Variants in AEN observed in about 807,000 individuals in gnomAD.
The protein encoded by AEN is apoptosis enhancing nuclease.
AEN carries 21 observed loss-of-function variants against 17.7 expected under a neutral mutation model. The observed-to-expected ratio is 1.19, with a 90% CI of 0.84 to 1.71. The LOEUF is 1.71. Among genes scored for constraint, AEN ranks in the 40% most tolerant of loss-of-function variants. AEN has a pLI of 0.00. For missense variants in AEN, 462 were observed against 435.9 expected (o/e 1.06, Z -0.53); for synonymous variants, 190 against 173.0 (o/e 1.10, Z -0.77).
chr15:88,622,901 G>T (rs763257336), intron 1 of AEN, among the ~76,000 whole-genome samples: 27 of 152,176 alleles, frequency 1.8e-4, no homozygotes, highest in Non-Finnish European at 2.9e-4. Context: ...CTTAAGCAAG[G>T]TCAGGGTGTT....
intron 1 of AEN, among the ~76,000 whole-genome samples, chr15:88,625,836 C>T (rs944506988): frequency 2.0e-5 from 3 of 152,214 alleles, no homozygotes; most frequent in Non-Finnish European, 4.4e-5. Context: ...TTGGCTTTTA[C>T]TAATGGGGCA....
At chr15:88,627,476 T>TA (rs2057869824) in intron 2 of AEN, 1 of 151,626 alleles carries the variant, frequency 6.6e-6, no homozygotes, top group Admixed American at 6.6e-5. Flanking sequence ...TTTTTTTTTT[T>TA]ATTCCACACA....
rs752361817 is a variant in AEN, at chr15:88,626,721, C to T, written c.512C>T (p.Ala171Val). Residue 171 changes from alanine to valine, a missense_variant, in exon 2 of 4, where the codon GCT becomes GTT. Transcript: ENST00000332810. Reference sequence around the variant, plus strand: ...ATCACTCGGCAGCACATGCGCAAGGCTGTCCCCTTCCAGGTGGCCCAGAAA... The same window carrying T: ...ATCACTCGGCAGCACATGCGCAAGGTTGTCCCCTTCCAGGTGGCCCAGAAA... ...SGITRQHMRK[A>V]VPFQVAQKEI... 5.0e-6 allele frequency: 8 copies of T among 1,611,208 alleles called. No individual in the cohort carries two copies. In the African/African-American group the frequency reaches 9.3e-5, roughly 19 times the overall value.
chr15:88,614,104 C>T, the AEN span, among the ~76,000 whole-genome samples: 3 of 152,168 alleles, frequency 2.0e-5, no homozygotes, highest in Non-Finnish European at 4.4e-5. Flanking sequence ...TAGACCAAGT[C>T]CCTCCCCACT....
rs1413000462 is a variant in AEN, at chr15:88,626,584, G to T, written c.375G>T (p.Arg125=). Residue 125 remains arginine, a synonymous_variant, in exon 2 of 4, where the codon CGG becomes CGT. Transcript: ENST00000332810. ...CEMVGTGPRG[R]VSELARCSIV... ...TGGTGGGCACGGGACCCCGAGGGCG[G>T]GTAAGCGAGCTGGCCCGCTGTTCCA... The T allele has an allele frequency of 6.2e-7, 1 of 1,614,144 alleles. No homozygotes were observed. The highest frequency in any genetic ancestry group is 1.7e-5 in the Admixed American group (1 of 60,032).
At chr15:88,616,096 T>A in the AEN span, among the ~76,000 whole-genome samples, 1 of 113,168 alleles carries the variant, frequency 8.8e-6, no homozygotes, top group East Asian at 3.2e-4. Flanking sequence ...GAGGCGTTTT[T>A]TGTTTTTTTT....
the AEN span, among the ~76,000 whole-genome samples, chr15:88,615,233 A>C: frequency 1.3e-5 from 2 of 152,196 alleles, no homozygotes; most frequent in East Asian, 3.9e-4. Context: ...GATTAATTTT[A>C]TATGTGAGGG....
In AEN at chr15:88,626,586, T is replaced by TA. The variant is rs758621825; in HGVS notation, c.379dup (p.Ser127LysfsTer18). 3.1e-6 allele frequency: 5 copies of TA among 1,613,988 alleles called. No homozygotes were observed. The African/African-American group carries it at 4.0e-5, about 13-fold the overall frequency. Reference sequence around the variant, plus strand: ...GTGGGCACGGGACCCCGAGGGCGGGTAAGCGAGCTGGCCCGCTGTTCCATT... The same window carrying TA: ...GTGGGCACGGGACCCCGAGGGCGGGTAAAGCGAGCTGGCCCGCTGTTCCATT... On this transcript the variant is annotated frameshift_variant, in exon 2 of 4. Transcript: ENST00000332810. LOFTEE classifies it high-confidence loss of function.
upstream of AEN, among the ~76,000 whole-genome samples, chr15:88,616,382 G>A (rs112256838): frequency 1.8e-4 from 28 of 152,274 alleles, no homozygotes; most frequent in Admixed American, 7.2e-4. Flanking sequence ...GTGAGCCACC[G>A]CACCTGGCCT....
At chr15:88,628,610 G>A (rs2057885080) in intron 2 of AEN, 1 of 152,522 alleles carries the variant, frequency 6.6e-6, no homozygotes, top group Non-Finnish European at 1.5e-5. Context: ...CATAAGAGCT[G>A]CTGCTATGGT....
At chr15:88,611,603 C>G in the AEN span, among the ~76,000 whole-genome samples, 1 of 151,848 alleles carries the variant, frequency 6.6e-6, no homozygotes, top group Admixed American at 6.6e-5. Flanking sequence ...CTCACCAAAA[C>G]AAAACAAAAC....
chr15:88,608,834 T>C, the AEN span, among the ~76,000 whole-genome samples: 1 of 152,380 alleles, frequency 6.6e-6, no homozygotes, highest in South Asian at 2.1e-4. Context: ...CCAGGAAGAC[T>C]TGTTGCAGGT....
At chr15:88,621,497 A>C (rs1416350356) in intron 1 of AEN, 115 bp downstream of exon 1, 1 of 152,178 alleles carries the variant, frequency 6.6e-6, no homozygotes, top group Non-Finnish European at 1.5e-5. Flanking sequence ...GGGACGCCTG[A>C]ACTGGGCTGA....
chr15:88,629,084 G>C (rs1275408962), intron 2 of AEN, 142 bp from the exon 3 acceptor site: 2 of 799,214 alleles, frequency 2.5e-6, no homozygotes, highest in African/African-American at 3.4e-5. Flanking sequence ...ATGGTTGACT[G>C]TGGAGCTCGT....
intron 1 of AEN, among the ~76,000 whole-genome samples, chr15:88,623,105 G>A (rs1596027021): frequency 6.6e-6 from 1 of 152,310 alleles, no homozygotes; most frequent in Middle Eastern, 3.4e-3. Context: ...TTATTAGCAG[G>A]GTGGGCATTG....
chr15:88,623,857 G>A (rs913620119), intron 1 of AEN, among the ~76,000 whole-genome samples: 2 of 152,228 alleles, frequency 1.3e-5, no homozygotes, highest in African/African-American at 4.8e-5. Flanking sequence ...AGAGAGGAGC[G>A]AGGAGCAGTG....
chr15:88,606,713 C>T, the AEN span, among the ~76,000 whole-genome samples: 1 of 152,160 alleles, frequency 6.6e-6, no homozygotes, highest in African/African-American at 2.4e-5. Context: ...AGAGGCACAT[C>T]GATCCCGCGT....
the AEN span, among the ~76,000 whole-genome samples, chr15:88,605,540 G>A: frequency 3.3e-5 from 5 of 152,240 alleles, no homozygotes; most frequent in Non-Finnish European, 5.9e-5. This position sits in a 1 kb window ranked among gnomAD's most constrained non-coding sequence, Gnocchi z 7.6. Context: ...AGACCACTGG[G>A]TAATCGCCCC....
Position 88,632,073 on chromosome 15 carries a change from C to G in AEN, c.*1779C>G, listed in dbSNP as rs556710629. 1.3e-5 allele frequency: 2 copies of G among 152,344 alleles called. No individual in the cohort carries two copies. The highest frequency in any genetic ancestry group is 2.1e-4 in the South Asian group (1 of 4,824). 9.4% of individuals were successfully genotyped at this position (152,344 alleles called of 1,614,324 possible). On this transcript the variant is annotated 3_prime_UTR_variant, in exon 4 of 4. Coordinates refer to ENST00000332810, the MANE Select transcript of AEN (RefSeq NM_022767.4). ...GCACAGAGGAAGGGGCTAACTGAAT[C>G]TTTTACCACTTCTGGCCTGGCTCCA...
Sources: allele counts gnomAD v4.1 joint callset (sites outside exome capture counted in the v4.1 genomes callset), GRCh38; gene constraint gnomAD v4.1.1; non-coding constraint Gnocchi (gnomAD v3.1); transcripts MANE v1.5; gene names NCBI Gene and HGNC (gene_info 2026-07-23, HGNC 2026-07-21).